Variants in CTIF observed in about 807,000 individuals in gnomAD.
CTIF encodes CBP80/20-dependent translation initiation factor.
Under a neutral mutation model 66.0 loss-of-function variants are expected in CTIF, and 21 were observed. The ratio of observed to expected loss-of-function variants is 0.32; its 90% CI spans 0.23 to 0.46. CTIF has a LOEUF of 0.46. Among genes scored for constraint, CTIF ranks in the 20% least tolerant of loss-of-function variants. The probability of loss-of-function intolerance (pLI) is 1.00; values close to 1 mark genes in which losing one functional copy is unlikely to be tolerated. For missense variants in CTIF, 739 were observed against 812.7 expected, an observed-to-expected ratio of 0.91 and a Z score of 1.10; for synonymous variants, 345 against 326.4, an observed-to-expected ratio of 1.06 and a Z score of -0.62.
intron 6 of CTIF, among the ~76,000 whole-genome samples, chr18:48,673,879 G>A (rs1009078954): frequency 7.2e-5 from 11 of 152,180 alleles, no homozygotes; most frequent in African/African-American, 2.7e-4. Flanking sequence ...TTTCGGTGTG[G>A]CCCAGGGAAG....
chr18:48,737,010 C>T (rs2092509262), intron 7 of CTIF, among the ~76,000 whole-genome samples: 1 of 152,128 alleles, frequency 6.6e-6, no homozygotes, highest in South Asian at 2.1e-4. Context: ...GCTCACAGTC[C>T]TGTCTCCCTG....
chr18:48,669,280 G>A (rs964292914), intron 5 of CTIF, among the ~76,000 whole-genome samples: 7 of 151,982 alleles, frequency 4.6e-5, no homozygotes, highest in South Asian at 2.1e-4. Flanking sequence ...GGTGAGATTC[G>A]TATGAACTCT....
At chr18:48,793,484 C>T (rs1211663955) in intron 9 of CTIF, among the ~76,000 whole-genome samples, 1 of 152,174 alleles carries the variant, frequency 6.6e-6, no homozygotes, top group Non-Finnish European at 1.5e-5. Flanking sequence ...AATGTGGTGC[C>T]AGCAGGATTA....
At chr18:48,565,692 A>G (rs1483858501) in intron 1 of CTIF, 1 of 152,066 alleles carries the variant, frequency 6.6e-6, no homozygotes, top group Non-Finnish European at 1.5e-5. Flanking sequence ...GAGCTGCCAC[A>G]TGCCTGGGAC....
chr18:48,759,795 C>G (rs976333590), intron 8 of CTIF, among the ~76,000 whole-genome samples: 1 of 152,162 alleles, frequency 6.6e-6, no homozygotes, highest in Non-Finnish European at 1.5e-5. Flanking sequence ...GAGAGGGGTA[C>G]ATGGGGGAAT....
chr18:48,735,752 G>A (rs985277628), intron 7 of CTIF, among the ~76,000 whole-genome samples: 1 of 152,160 alleles, frequency 6.6e-6, no homozygotes, highest in African/African-American at 2.4e-5. Flanking sequence ...AGGCTATGAT[G>A]GAGACTTGAG....
chr18:48,568,882 C>T (rs2089345888), intron 1 of CTIF, among the ~76,000 whole-genome samples: 1 of 152,080 alleles, frequency 6.6e-6, no homozygotes, highest in Non-Finnish European at 1.5e-5. Flanking sequence ...AATTATCTCC[C>T]ACCAGGAGGG....
intron 1 of CTIF, chr18:48,568,361 G>A (rs1199452049): frequency 1.3e-5 from 2 of 152,018 alleles, no homozygotes; most frequent in African/African-American, 4.8e-5. Context: ...CCCATGAGGT[G>A]GGGAAACATT....
At chr18:48,674,545 C>T (rs1380425214) in intron 6 of CTIF, among the ~76,000 whole-genome samples, 2 of 152,234 alleles carry the variant, frequency 1.3e-5, no homozygotes, top group Admixed American at 6.5e-5. Context: ...GACACCTAGG[C>T]GTCTGGCCAA....
Position 48,761,767 on chromosome 18 carries a change from G to T in CTIF, c.1371+78G>T, listed in dbSNP as rs9948624. The T allele has an allele frequency of 4.3e-5, 60 of 1,379,980 alleles. No homozygotes were observed. The African/African-American group carries it at 7.6e-4, about 17-fold the overall frequency. The allele number at this position is 1,379,980 out of a possible 1,614,324, so 85.5% of individuals were successfully genotyped here. On this transcript the variant is annotated intron_variant, in intron 9 of 11. Coordinates refer to ENST00000256413, the MANE Select transcript of CTIF (RefSeq NM_014772.3). The surrounding 1 kb of genome is among the most constrained non-coding windows in gnomAD (Gnocchi z 4.2). ...GTGAGTTATTCCTAGCGAGAAGGCTGCGAGTTCTGGCCACAGTTGGACTTT... is the reference window on the plus strand; with the variant it reads ...GTGAGTTATTCCTAGCGAGAAGGCTTCGAGTTCTGGCCACAGTTGGACTTT...
At chr18:48,721,349 T>C (rs1183246250) in intron 7 of CTIF, among the ~76,000 whole-genome samples, 1 of 152,178 alleles carries the variant, frequency 6.6e-6, no homozygotes, top group Admixed American at 6.5e-5. Flanking sequence ...ATGGACGCCT[T>C]GGGAACCAGC....
chr18:48,846,216 A>G (rs1403703249), intron 10 of CTIF, among the ~76,000 whole-genome samples: 1 of 152,134 alleles, frequency 6.6e-6, no homozygotes, highest in Admixed American at 6.5e-5. Flanking sequence ...CTTATTCATC[A>G]TTGTACTCTG....
At chr18:48,701,185 T>C (rs2092079692) in intron 6 of CTIF, among the ~76,000 whole-genome samples, 1 of 152,182 alleles carries the variant, frequency 6.6e-6, no homozygotes, top group Non-Finnish European at 1.5e-5. Context: ...TTTCAGGGGC[T>C]GCAGAATGGA....
chr18:48,792,972 G>C (rs554097576), intron 9 of CTIF, among the ~76,000 whole-genome samples: 1 of 152,276 alleles, frequency 6.6e-6, no homozygotes, highest in South Asian at 2.1e-4. Context: ...CTATTAGGTG[G>C]TATTTAAAAC....
intron 7 of CTIF, among the ~76,000 whole-genome samples, chr18:48,739,683 C>T (rs1430842064): frequency 6.6e-6 from 1 of 152,224 alleles, no homozygotes; most frequent in Non-Finnish European, 1.5e-5. Flanking sequence ...GCAGATTGGC[C>T]CTTGGCGGGG....
At chr18:48,648,483 ACACACG>A (rs1333969946) in intron 3 of CTIF, among the ~76,000 whole-genome samples, 5 of 150,948 alleles carry the variant, frequency 3.3e-5, no homozygotes, top group South Asian at 2.1e-4. Flanking sequence ...ACACACACAC[ACACACG>A]CACACACACA....
intron 9 of CTIF, among the ~76,000 whole-genome samples, chr18:48,762,225 GT>G (rs1192795538): frequency 6.6e-6 from 1 of 152,190 alleles, no homozygotes; most frequent in African/African-American, 2.4e-5. Flanking sequence ...ATGCAAGACT[GT>G]CTTCATCCTT....
chr18:48,791,143 A>G (rs887722030), intron 9 of CTIF, among the ~76,000 whole-genome samples: 1 of 152,212 alleles, frequency 6.6e-6, no homozygotes, highest in Non-Finnish European at 1.5e-5. Flanking sequence ...ACCAGGCCAA[A>G]GGAGGGACAC....
chr18:48,665,687 TATTA>T (rs199545370), intron 5 of CTIF, among the ~76,000 whole-genome samples: 1,750 of 152,354 alleles, frequency 0.011, 12 homozygotes, highest in South Asian at 0.02. Context: ...TTTCTGTTTC[TATTA>T]ATTAATCTAT....
Sources: gnomAD v4.1 joint callset for allele counts (sites outside exome capture counted in the v4.1 genomes callset) on GRCh38, gnomAD v4.1.1 for gene constraint, Gnocchi (gnomAD v3.1) non-coding constraint, MANE v1.5 for transcripts, NCBI Gene and HGNC (gene_info 2026-07-23, HGNC 2026-07-21) for gene names.